SLC24A3: variants seen among roughly 807,000 people sequenced by gnomAD.
The protein encoded by SLC24A3 is solute carrier family 24 member 3.
In SLC24A3, 28 loss-of-function variants were observed where a neutral mutation model predicts 75.8. That is an observed-to-expected ratio of 0.37 (90% CI 0.27 to 0.51). The LOEUF is 0.51. Among genes scored for constraint, SLC24A3 ranks in the 20% least tolerant of loss-of-function variants. The pLI is 0.94. For missense variants in SLC24A3, 663 were observed against 847.8 expected (o/e 0.78, Z 2.71); for synonymous variants, 372 against 334.1 (o/e 1.11, Z -1.24).
intron 2 of SLC24A3, among the ~76,000 whole-genome samples, chr20:19,299,937 T>C (rs1289518626): frequency 6.6e-6 from 1 of 152,236 alleles, no homozygotes; most frequent in Admixed American, 6.5e-5. Context: ...GCTGTGGCCC[T>C]GGCATTCAGG....
At position 19,580,428 on chromosome 20, in the gene SLC24A3, T is replaced by C. The variant is rs1600288627; in HGVS notation, c.423+354T>C. Among the ~76,000 whole-genome samples, 3 of 152,232 alleles carry C rather than the reference T, an allele frequency of 2.0e-5. No individual in the cohort carries two copies. The East Asian group carries it at 5.8e-4, about 29-fold the overall frequency. ...CTTCCTCCACCTCTCTCTCCTGTGT[T>C]TCCTTCTGCCTCCATAACTCTCCTT... On this transcript the variant is annotated intron_variant, in intron 4 of 16. Coordinates refer to ENST00000328041, the MANE Select transcript of SLC24A3 (RefSeq NM_020689.4).
At chr20:19,596,423 G>A (rs1169046157) in intron 6 of SLC24A3, among the ~76,000 whole-genome samples, 1 of 152,152 alleles carries the variant, frequency 6.6e-6, no homozygotes, top group Non-Finnish European at 1.5e-5. Flanking sequence ...TTTGTTAACT[G>A]TACAAATGAG....
At chr20:19,412,377 G>A (rs1986757379) in intron 2 of SLC24A3, among the ~76,000 whole-genome samples, 2 of 152,096 alleles carry the variant, frequency 1.3e-5, no homozygotes, top group Admixed American at 6.6e-5. Context: ...GTTCCCCTGT[G>A]AGCGAAATGC....
intron 2 of SLC24A3, among the ~76,000 whole-genome samples, chr20:19,446,788 A>G (rs180989118): frequency 7.6e-4 from 116 of 152,342 alleles, no homozygotes; most frequent in Admixed American, 4.6e-3. Context: ...TTAATTGTAC[A>G]TGGCTGTAAG....
chr20:19,558,869 G>A (rs1381289006), intron 3 of SLC24A3, among the ~76,000 whole-genome samples: 2 of 152,214 alleles, frequency 1.3e-5, no homozygotes, highest in South Asian at 2.1e-4. Flanking sequence ...ACTAAAGTTC[G>A]TTCATCCATT....
At chr20:19,329,256 C>A (rs962627883) in intron 2 of SLC24A3, among the ~76,000 whole-genome samples, 12 of 151,610 alleles carry the variant, frequency 7.9e-5, no homozygotes, top group Admixed American at 3.3e-4. Context: ...AGAAATAAAA[C>A]GAAAGTATAA....
intron 2 of SLC24A3, among the ~76,000 whole-genome samples, chr20:19,466,031 C>T (rs1459199405): frequency 1.3e-5 from 2 of 152,138 alleles, no homozygotes; most frequent in Non-Finnish European, 2.9e-5. Flanking sequence ...ATTTGATTTC[C>T]TTGTGAACTG....
intron 2 of SLC24A3, among the ~76,000 whole-genome samples, chr20:19,327,869 A>G (rs1334105054): frequency 6.6e-6 from 1 of 152,242 alleles, no homozygotes; most frequent in Non-Finnish European, 1.5e-5. Context: ...GACAAGGAAC[A>G]AAGAAGGAAA....
intron 3 of SLC24A3, among the ~76,000 whole-genome samples, chr20:19,540,377 C>T (rs988095961): frequency 4.1e-4 from 62 of 152,340 alleles, no homozygotes; most frequent in African/African-American, 1.3e-3. Context: ...CCTGCTCTCT[C>T]TGCCATCGCT....
chr20:19,315,600 T>C (rs1051508136), intron 2 of SLC24A3, among the ~76,000 whole-genome samples: 7 of 152,144 alleles, frequency 4.6e-5, no homozygotes, highest in African/African-American at 1.7e-4. Flanking sequence ...CTCCTGGTTG[T>C]GGTCATAGAA....
intron 12 of SLC24A3, 109 bp downstream of exon 12, chr20:19,685,470 T>G: frequency 6.6e-7 from 1 of 1,508,920 alleles, no homozygotes; most frequent in South Asian, 1.3e-5. Context: ...AATCTCTGTA[T>G]GAACATGAGA....
chr20:19,221,404 C>G (rs904167641), intron 1 of SLC24A3, among the ~76,000 whole-genome samples: 1 of 152,138 alleles, frequency 6.6e-6, no homozygotes, highest in Non-Finnish European at 1.5e-5. Flanking sequence ...TTTAACTTTC[C>G]CTTGGGATGA....
At chr20:19,712,860 C>T (rs1003963390) in intron 15 of SLC24A3, among the ~76,000 whole-genome samples, 8 of 152,112 alleles carry the variant, frequency 5.3e-5, no homozygotes, top group East Asian at 1.9e-4. Flanking sequence ...AAAAATGATG[C>T]GGATATAAAA....
At chr20:19,486,439 A>G (rs965400250) in intron 2 of SLC24A3, among the ~76,000 whole-genome samples, 1 of 152,226 alleles carries the variant, frequency 6.6e-6, no homozygotes. Flanking sequence ...TATTGAATGT[A>G]TGTTTTAAAA....
At chr20:19,578,892 A>G (rs1343045926) in intron 3 of SLC24A3, among the ~76,000 whole-genome samples, 2 of 152,220 alleles carry the variant, frequency 1.3e-5, no homozygotes, top group Middle Eastern at 3.4e-3. Flanking sequence ...TTCAGGGTCA[A>G]CTTCCTCTCA....
intron 14 of SLC24A3, among the ~76,000 whole-genome samples, chr20:19,697,840 G>T (rs1259437539): frequency 1.3e-5 from 2 of 152,186 alleles, no homozygotes; most frequent in African/African-American, 2.4e-5. Flanking sequence ...TTCTAGAATG[G>T]TTGAGTTTAT....
chr20:19,363,451 G>A (rs546643366), intron 2 of SLC24A3, among the ~76,000 whole-genome samples: 28 of 152,328 alleles, frequency 1.8e-4, no homozygotes, highest in Middle Eastern at 6.8e-3. Flanking sequence ...TTGGCCACCA[G>A]CCTTATTTTA....
chr20:19,618,709 C>T (rs897736138), intron 6 of SLC24A3, among the ~76,000 whole-genome samples: 2 of 152,122 alleles, frequency 1.3e-5, no homozygotes, highest in Non-Finnish European at 2.9e-5. Flanking sequence ...GATAGTGCTT[C>T]CTAGTGGGAT....
intron 2 of SLC24A3, among the ~76,000 whole-genome samples, chr20:19,469,726 T>C (rs1311647029): frequency 6.6e-6 from 1 of 152,208 alleles, no homozygotes; most frequent in Non-Finnish European, 1.5e-5. Flanking sequence ...CGTGCTAGTC[T>C]TCCATGATGT....
Sources: gnomAD v4.1 joint callset for allele counts (sites outside exome capture counted in the v4.1 genomes callset) on GRCh38, gnomAD v4.1.1 for gene constraint, MANE v1.5 for transcripts, NCBI Gene and HGNC (gene_info 2026-07-23, HGNC 2026-07-21) for gene names.